TSPAN9: variants seen among roughly 807,000 people sequenced by gnomAD.
The protein encoded by TSPAN9 is tetraspanin 9.
In TSPAN9, 16 loss-of-function variants were observed where a neutral mutation model predicts 31.0. The ratio of observed to expected loss-of-function variants is 0.52; its 90% confidence interval spans 0.35 to 0.78. TSPAN9 has a LOEUF of 0.78. Among genes scored for constraint, TSPAN9 ranks in the 30% least tolerant of loss-of-function variants. TSPAN9 has a pLI of 0.01. For missense variants in TSPAN9, 272 were observed against 312.5 expected (o/e 0.87, Z 0.98); for synonymous variants, 145 against 121.6 (o/e 1.19, Z -1.27).
intron 3 of TSPAN9, among the ~76,000 whole-genome samples, chr12:3,253,624 G>C (rs947305584): frequency 4.6e-5 from 7 of 152,226 alleles, no homozygotes; most frequent in Non-Finnish European, 8.8e-5. Context: ...ACAGGCCAGC[G>C]ATCAGCCCAG....
chr12:3,246,408 A>G (rs1034111055), intron 3 of TSPAN9, among the ~76,000 whole-genome samples: 29 of 152,062 alleles, frequency 1.9e-4, no homozygotes, highest in African/African-American at 6.5e-4. Context: ...CCACTCTTTG[A>G]GAGCTCTGCA....
At chr12:3,278,374 C>A in intron 3 of TSPAN9, 47 bp from the exon 4 acceptor site, 1 of 1,603,210 alleles carries the variant, frequency 6.2e-7, no homozygotes, top group Non-Finnish European at 8.5e-7. Flanking sequence ...GGTCCATGGA[C>A]GAATGTGAGA....
chr12:3,141,415 C>T (rs969858095), intron 2 of TSPAN9, among the ~76,000 whole-genome samples: 2 of 152,118 alleles, frequency 1.3e-5, no homozygotes, highest in African/African-American at 2.4e-5. Context: ...GCCTCTGCAG[C>T]GCACGGTGAT....
intron 2 of TSPAN9, among the ~76,000 whole-genome samples, chr12:3,179,317 G>A (rs994130256): frequency 2.6e-5 from 4 of 152,192 alleles, no homozygotes; most frequent in African/African-American, 7.2e-5. Context: ...GGGTTCAACC[G>A]GCCCAGGGTG....
chr12:3,266,817 T>C (rs73256326), intron 3 of TSPAN9, among the ~76,000 whole-genome samples: 2,123 of 152,272 alleles, frequency 0.014, 54 homozygotes, highest in African/African-American at 0.049. Context: ...ATAATCAGGC[T>C]GTGGGCACAG....
At chr12:3,133,768 T>A (rs2098330866) in intron 2 of TSPAN9, among the ~76,000 whole-genome samples, 1 of 151,948 alleles carries the variant, frequency 6.6e-6, no homozygotes. Flanking sequence ...AGGGTGGAGG[T>A]TTCCAAAGAA....
chr12:3,256,998 G>T (rs1397913582), intron 3 of TSPAN9, among the ~76,000 whole-genome samples: 1 of 152,150 alleles, frequency 6.6e-6, no homozygotes, highest in Non-Finnish European at 1.5e-5. Context: ...TGGGTGACAG[G>T]TACCAGGCAG....
In TSPAN9 at chr12:3,240,534, G is replaced by A. The variant is rs186664219; in HGVS notation, c.64-37887G>A. ...GTGACGTGCTCGAGCTCACACAGCT[G>A]GGCAGTGAGGAGGCCAGGATCTGAA... is the stretch of plus-strand genomic sequence containing the variant. On this transcript the variant is annotated intron_variant, in intron 3 of 8. Transcript: ENST00000011898. Among the ~76,000 whole-genome samples the A allele has an allele frequency of 7.9e-4, 120 of 152,278 alleles. 1 individual carries two copies. Among genetic ancestry groups the A allele is most frequent in the African/African-American group, 2.6e-3 (110 of 41,550 alleles).
At chr12:3,191,774 G>A (rs879646537) in intron 2 of TSPAN9, among the ~76,000 whole-genome samples, 20 of 152,144 alleles carry the variant, frequency 1.3e-4, no homozygotes, top group Middle Eastern at 3.2e-3. Flanking sequence ...GCCTTTCTGG[G>A]GTTCATGGTC....
intron 3 of TSPAN9, among the ~76,000 whole-genome samples, chr12:3,269,066 G>A (rs113151727): frequency 2.0e-4 from 13 of 64,028 alleles, no homozygotes; most frequent in African/African-American, 4.1e-4. Context: ...CCCTCCGTGC[G>A]TTCCTGCAGC....
At chr12:3,219,236 A>G (rs188070908) in intron 3 of TSPAN9, among the ~76,000 whole-genome samples, 4 of 152,182 alleles carry the variant, frequency 2.6e-5, no homozygotes, top group Admixed American at 2.6e-4. Context: ...CTCTAGACTC[A>G]GTTTTGTTTC....
chr12:3,191,774 G>T (rs879646537), intron 2 of TSPAN9, among the ~76,000 whole-genome samples: 1 of 152,144 alleles, frequency 6.6e-6, no homozygotes, highest in Non-Finnish European at 1.5e-5. Flanking sequence ...GCCTTTCTGG[G>T]GTTCATGGTC....
intron 3 of TSPAN9, among the ~76,000 whole-genome samples, chr12:3,202,477 G>A (rs1283656296): frequency 6.6e-6 from 1 of 152,224 alleles, no homozygotes; most frequent in Non-Finnish European, 1.5e-5. Flanking sequence ...AGAATGACAA[G>A]CGCAGGAAGA....
intron 2 of TSPAN9, among the ~76,000 whole-genome samples, chr12:3,160,324 A>G (rs554599090): frequency 6.6e-6 from 1 of 152,298 alleles, no homozygotes; most frequent in South Asian, 2.1e-4. Flanking sequence ...TGGGTATGCT[A>G]CGTTTTGTTT....
chr12:3,114,149 A>G (rs974441222), intron 2 of TSPAN9, among the ~76,000 whole-genome samples: 2 of 152,218 alleles, frequency 1.3e-5, no homozygotes, highest in African/African-American at 4.8e-5. Context: ...TTTGCAGACC[A>G]TATGGTCTCT....
At chr12:3,138,292 G>T (rs541332987) in intron 2 of TSPAN9, among the ~76,000 whole-genome samples, 1 of 152,288 alleles carries the variant, frequency 6.6e-6, no homozygotes, top group South Asian at 2.1e-4. Flanking sequence ...GGGAAGTGCA[G>T]GGCCCAGCTG....
At chr12:3,200,733 C>T (rs538099390) in intron 2 of TSPAN9, 2 of 152,418 alleles carry the variant, frequency 1.3e-5, no homozygotes, top group South Asian at 2.1e-4. Flanking sequence ...CGGCCAGAAG[C>T]GGGGCGCCGT....
At position 3,184,437 on chromosome 12, in the gene TSPAN9, A is replaced by G. The variant is rs184478852; in HGVS notation, c.-17-16740A>G. ...AAAGAAAGAGAAAGAGAGAGAGAGA[A>G]AGAAAGAGAGAAAGAGAAAGAGAAA... On this transcript the variant is annotated intron_variant, in intron 2 of 8. Coordinates refer to ENST00000011898, the MANE Select transcript of TSPAN9 (RefSeq NM_006675.5). Among the ~76,000 whole-genome samples, 58 of 151,904 alleles carry G rather than the reference A, an allele frequency of 3.8e-4. No homozygotes were observed. The Middle Eastern group carries it at 0.014, about 36-fold the overall frequency.
In TSPAN9 at chr12:3,278,572, GC is replaced by G; in HGVS notation, c.217del (p.Leu73TrpfsTer23). 2 of 1,614,150 alleles carry G rather than the reference GC, an allele frequency of 1.2e-6. No homozygotes were observed. The highest frequency in any genetic ancestry group is 1.7e-6 in the Non-Finnish European group (2 of 1,180,022). Reference sequence around the variant, plus strand: ...GTCATGGTGACGGGCTTCCTCGGCTGCCTGGGGGCCATCAAGGAAAACAAGT... The same window carrying G: ...GTCATGGTGACGGGCTTCCTCGGCTGCTGGGGGCCATCAAGGAAAACAAGT... Reference protein sequence around the residue: ...TIVMVTGFLGCLGAIKENKCL... With the variant: ...TIVMVTGFLGXLGAIKENKCL... On this transcript the variant is annotated frameshift_variant, in exon 4 of 9. Transcript: ENST00000011898. LOFTEE classifies it high-confidence loss of function.
Sources: allele counts gnomAD v4.1 joint callset (sites outside exome capture counted in the v4.1 genomes callset), GRCh38; gene constraint gnomAD v4.1.1; transcripts MANE v1.5; gene names NCBI Gene and HGNC (gene_info 2026-07-23, HGNC 2026-07-21).